Variants in PRLR observed in about 807,000 individuals in gnomAD.
PRLR encodes the protein prolactin receptor.
A neutral mutation model predicts 40.2 loss-of-function variants in PRLR; 13 were observed. The ratio of observed to expected loss-of-function variants is 0.32; its 90% CI spans 0.21 to 0.51. PRLR has a LOEUF of 0.51. Among genes scored for constraint, PRLR ranks in the 20% least tolerant of loss-of-function variants. The probability of loss-of-function intolerance (pLI) is 0.97; values close to 1 mark genes in which losing one functional copy is unlikely to be tolerated. For missense variants in PRLR, 656 were observed against 747.3 expected (o/e 0.88, Z 1.42); for synonymous variants, 269 against 278.7 (o/e 0.97, Z 0.35).
At chr5:35,104,945 G>C (rs1772138470) in intron 2 of PRLR, among the ~76,000 whole-genome samples, 1 of 152,228 alleles carries the variant, frequency 6.6e-6, no homozygotes, top group African/African-American at 2.4e-5. Context: ...TGACCCCCGA[G>C]TAGCCTAACT....
At chr5:35,097,242 TAC>T (rs1771589132) in intron 2 of PRLR, among the ~76,000 whole-genome samples, 1 of 152,220 alleles carries the variant, frequency 6.6e-6, no homozygotes, top group Admixed American at 6.5e-5. Context: ...TTGTATAGAA[TAC>T]ACTTATAAAT....
chr5:35,137,826 C>T (rs887795365), intron 1 of PRLR, among the ~76,000 whole-genome samples: 3 of 152,104 alleles, frequency 2.0e-5, no homozygotes, highest in South Asian at 2.1e-4. Flanking sequence ...GCAGGAGAAT[C>T]GCTTGAACTC....
At chr5:35,228,582 A>C (rs1444645302) in intron 1 of PRLR, among the ~76,000 whole-genome samples, 1 of 152,230 alleles carries the variant, frequency 6.6e-6, no homozygotes, top group African/African-American at 2.4e-5. Context: ...ACTCTGATTC[A>C]GACAGCGATC....
intron 1 of PRLR, among the ~76,000 whole-genome samples, chr5:35,163,710 T>C (rs144225001): frequency 6.6e-6 from 1 of 152,378 alleles, no homozygotes; most frequent in African/African-American, 2.4e-5. Flanking sequence ...ATTTCAATGA[T>C]AAATTCAAGG....
At chr5:35,163,296 G>A (rs543738123) in intron 1 of PRLR, among the ~76,000 whole-genome samples, 6 of 152,204 alleles carry the variant, frequency 3.9e-5, no homozygotes, top group South Asian at 2.1e-4. Flanking sequence ...CTGGCTCTTC[G>A]CTGAACTAAG....
At chr5:35,199,198 A>C (rs577305878) in intron 1 of PRLR, among the ~76,000 whole-genome samples, 26 of 152,270 alleles carry the variant, frequency 1.7e-4, no homozygotes, top group African/African-American at 6.3e-4. Flanking sequence ...ATTATAAGGA[A>C]ATGCTATAGG....
At position 35,121,474 on chromosome 5, in the gene PRLR, T is replaced by C. The variant is rs113831036; in HGVS notation, c.-105-3352A>G. Among the ~76,000 whole-genome samples, 252 of 152,282 alleles carry C rather than the reference T, an allele frequency of 1.7e-3. 2 individuals carry two copies. The highest frequency in any genetic ancestry group is 5.8e-3 in the African/African-American group (240 of 41,560). ...AATACATTTTTTTTGTCAGCCTGAC[T>C]CTTTAAATCAAATCTTGCTGACAGA... On this transcript the variant is annotated intron_variant, in intron 1 of 9. Transcript: ENST00000618457.
intron 1 of PRLR, among the ~76,000 whole-genome samples, chr5:35,163,071 A>G (rs1579750767): frequency 6.6e-6 from 1 of 152,212 alleles, no homozygotes; most frequent in Non-Finnish European, 1.5e-5. Flanking sequence ...GAGCCACAGA[A>G]GTTTGCTCTG....
In PRLR at chr5:35,228,711, A is replaced by G. The variant is rs1776615411; in HGVS notation, c.-106+1557T>C. On this transcript the variant is annotated intron_variant, in intron 1 of 9. Coordinates refer to ENST00000618457, the MANE Select transcript of PRLR (RefSeq NM_000949.7). ...GGGTCCCCTGGAGTCAGAGGCTGGT[A>G]GAGCTCTGGAGAGAGCATGTGGGGA... Among the ~76,000 whole-genome samples the G allele has an allele frequency of 2.0e-5, 3 of 152,176 alleles. No homozygotes were observed. In the South Asian group the frequency reaches 6.2e-4, roughly 32 times the overall value.
chr5:35,134,994 T>G (rs538813644), intron 1 of PRLR, among the ~76,000 whole-genome samples: 1 of 151,812 alleles, frequency 6.6e-6, no homozygotes, highest in Non-Finnish European at 1.5e-5. Flanking sequence ...GAGGAACATG[T>G]TTTTTTTCCC....
intron 1 of PRLR, among the ~76,000 whole-genome samples, chr5:35,218,328 G>A (rs1055669360): frequency 1.3e-5 from 2 of 152,128 alleles, no homozygotes; most frequent in Non-Finnish European, 2.9e-5. Flanking sequence ...CACTTCCAAT[G>A]AACGCATGTT....
chr5:35,173,504 G>A (rs1233958792), intron 1 of PRLR, among the ~76,000 whole-genome samples: 1 of 152,192 alleles, frequency 6.6e-6, no homozygotes, highest in Non-Finnish European at 1.5e-5. Context: ...GAATCATTTA[G>A]CAGCTCAAGG....
chr5:35,070,348 T>C, intron 6 of PRLR, 83 bp from the exon 7 acceptor site: 3 of 1,454,848 alleles, frequency 2.1e-6, no homozygotes, highest in Non-Finnish European at 2.9e-6. Context: ...ATAAACTAAG[T>C]TAGGCTGAAC....
chr5:35,072,510 C>T (rs1769813358), intron 6 of PRLR, 65 bp downstream of exon 6: 1 of 1,518,496 alleles, frequency 6.6e-7, no homozygotes, highest in African/African-American at 1.4e-5. Context: ...GACCTGTTTT[C>T]AGTTGTGAGG....
chr5:35,199,250 G>A (rs1775815534), intron 1 of PRLR, among the ~76,000 whole-genome samples: 1 of 152,168 alleles, frequency 6.6e-6, no homozygotes, highest in South Asian at 2.1e-4. Context: ...ATTCGATGCA[G>A]GCCCTAGTTC....
At chr5:35,117,744 T>C (rs570292902) in intron 2 of PRLR, among the ~76,000 whole-genome samples, 2 of 152,356 alleles carry the variant, frequency 1.3e-5, no homozygotes, top group East Asian at 3.9e-4. Flanking sequence ...TCATTGTCGA[T>C]AATCTCTCAA....
At chr5:35,096,519 A>T (rs1771543415) in intron 2 of PRLR, among the ~76,000 whole-genome samples, 2 of 152,142 alleles carry the variant, frequency 1.3e-5, no homozygotes, top group Admixed American at 1.3e-4. Context: ...TAAATCATAC[A>T]TTATGTTTTG....
intron 1 of PRLR, among the ~76,000 whole-genome samples, chr5:35,224,726 GGA>G (rs1418827049): frequency 1.3e-5 from 1 of 75,046 alleles, no homozygotes; most frequent in Non-Finnish European, 4.0e-5. Context: ...GAAAGTTGGG[GGA>G]AAAAAAGGGA....
rs1042591633 is a variant in PRLR at position 35,106,161 on chromosome 5, C to T, written c.-44+11900G>A. Among the ~76,000 whole-genome samples, 16 of 152,184 alleles carry T rather than the reference C, an allele frequency of 1.1e-4. 1 individual carries two copies. Among genetic ancestry groups the T allele is most frequent in the African/African-American group, 2.4e-4 (10 of 41,442 alleles). On this transcript the variant is annotated intron_variant, in intron 2 of 9. Transcript: ENST00000618457. ...AGTGAAGGAGAAATAAAATCCTTTA[C>T]AGACAAGCAAGTGCTGAGAGATTTT... is the stretch of plus-strand genomic sequence containing the variant.
Sources: gnomAD v4.1 joint callset for allele counts (sites outside exome capture counted in the v4.1 genomes callset) on GRCh38, gnomAD v4.1.1 for gene constraint, MANE v1.5 for transcripts, NCBI Gene and HGNC (gene_info 2026-07-23, HGNC 2026-07-21) for gene names.